The following PXT1 variants were observed in gnomAD, a reference collection of about 807,000 sequenced individuals.
PXT1 encodes the protein peroxisomal testis enriched protein 1.
A neutral mutation model predicts 11.0 loss-of-function variants in PXT1; 11 were observed. That is an observed-to-expected ratio of 1.00 (90% confidence interval 0.63 to 1.66). The LOEUF (loss-of-function observed/expected upper bound fraction) is 1.66, where lower values mean the gene tolerates loss of function less well. PXT1 is among the 40% of genes most tolerant of loss of function. The pLI is 0.00. For synonymous variants in PXT1, 43 were observed against 51.4 expected, an observed-to-expected ratio of 0.84 and a Z score of 0.70; for missense variants, 141 against 155.5, an observed-to-expected ratio of 0.91 and a Z score of 0.49.
At chr6:36,415,485 T>C (rs1774434874) in intron 3 of PXT1, among the ~76,000 whole-genome samples, 1 of 152,038 alleles carries the variant, frequency 6.6e-6, no homozygotes, top group South Asian at 2.1e-4. Context: ...ACAAAAAGAA[T>C]TGCTGGTATA....
chr6:36,390,642 A>C lies in PXT1; in HGVS notation c.*1128T>G, dbSNP rs999479901. On this transcript the variant is annotated 3_prime_UTR_variant, in exon 5 of 5. Coordinates refer to ENST00000454782, the MANE Select transcript of PXT1 (RefSeq NM_152990.4). ...ATGAAGAACTCAAGATACATATGTAAACTTTTAATTTATAACAACAAGCTT... is the reference window on the plus strand; with the variant it reads ...ATGAAGAACTCAAGATACATATGTACACTTTTAATTTATAACAACAAGCTT... The C allele has an allele frequency of 6.6e-6, 1 of 152,216 alleles. No individual in the cohort carries two copies. Among genetic ancestry groups the C allele is most frequent in the Non-Finnish European group, 1.5e-5 (1 of 68,042 alleles). The allele number at this position is 152,216 out of a possible 1,614,324, so 9.4% of individuals were successfully genotyped here.
intron 3 of PXT1, among the ~76,000 whole-genome samples, chr6:36,422,286 T>C (rs1774533506): frequency 1.3e-5 from 2 of 152,150 alleles, no homozygotes; most frequent in Admixed American, 1.3e-4. Context: ...ATGGGTGAGA[T>C]GGGCAGTAAT....
chr6:36,398,390 A>G (rs1774171992), intron 4 of PXT1, among the ~76,000 whole-genome samples: 1 of 152,200 alleles, frequency 6.6e-6, no homozygotes, highest in Non-Finnish European at 1.5e-5. Flanking sequence ...TACCCCAAAA[A>G]AATAAAAACA....
intron 2 of PXT1, among the ~76,000 whole-genome samples, chr6:36,427,015 C>CTTTTTT (rs71768864): frequency 7.1e-6 from 1 of 141,166 alleles, no homozygotes. Context: ...CTTTTTTTTT[C>CTTTTTT]TTTTTTTTTT....
chr6:36,438,545 T>A (rs1482398470), intron 2 of PXT1, among the ~76,000 whole-genome samples: 1 of 152,134 alleles, frequency 6.6e-6, no homozygotes, highest in Non-Finnish European at 1.5e-5. Context: ...CGCCTCAGCC[T>A]CCCGAGTACC....
At chr6:36,420,322 C>T (rs536563) in intron 3 of PXT1, among the ~76,000 whole-genome samples, 3,646 of 152,300 alleles carry the variant, frequency 0.024, 138 homozygotes, top group African/African-American at 0.082. Context: ...GGTATATCCA[C>T]ACAATGGAAT....
rs1047155109 is a variant in PXT1 at position 36,421,120 on chromosome 6, T to C, written c.169+4794A>G. ...ATTGTGGTTATGCAGAAAAATATCC[T>C]TGTTCTTAGGATAAAGCAAATGGGG... On this transcript the variant is annotated intron_variant, in intron 3 of 4. Coordinates refer to ENST00000454782, the MANE Select transcript of PXT1 (RefSeq NM_152990.4). 4.6e-5 allele frequency among the ~76,000 whole-genome samples: 7 copies of C among 151,352 alleles called. No individual in the cohort carries two copies. In the South Asian group the frequency reaches 1.0e-3, roughly 22 times the overall value.
intron 3 of PXT1, among the ~76,000 whole-genome samples, chr6:36,415,311 C>G (rs187793662): frequency 6.6e-6 from 1 of 152,030 alleles, no homozygotes; most frequent in Non-Finnish European, 1.5e-5. Flanking sequence ...GACATGGTGG[C>G]GCGTGCCTGT....
intron 3 of PXT1, among the ~76,000 whole-genome samples, chr6:36,423,338 T>A (rs894267105): frequency 6.6e-6 from 1 of 152,236 alleles, no homozygotes; most frequent in Non-Finnish European, 1.5e-5. Flanking sequence ...TCGCGCACTT[T>A]AGCTGGGCGC....
chr6:36,408,508 G>A (rs1037379304), intron 3 of PXT1, among the ~76,000 whole-genome samples: 15 of 151,030 alleles, frequency 9.9e-5, no homozygotes, highest in African/African-American at 2.7e-4. Flanking sequence ...ATCCTCCCTC[G>A]TTAGCCTCTC....
At chr6:36,409,402 C>T (rs778968195) in intron 3 of PXT1, among the ~76,000 whole-genome samples, 6 of 152,162 alleles carry the variant, frequency 3.9e-5, no homozygotes, top group Non-Finnish European at 5.9e-5. Flanking sequence ...GCCCATCTAC[C>T]CCACCAAGAC....
intron 3 of PXT1, among the ~76,000 whole-genome samples, chr6:36,410,681 C>T (rs1774360551): frequency 6.6e-6 from 1 of 152,164 alleles, no homozygotes; most frequent in African/African-American, 2.4e-5. Flanking sequence ...AGGTCAAACC[C>T]TGTGGTGAAA....
chr6:36,440,595 A>T (rs896935868), intron 1 of PXT1, among the ~76,000 whole-genome samples: 2 of 152,056 alleles, frequency 1.3e-5, no homozygotes, highest in Admixed American at 6.6e-5. Flanking sequence ...AAAAAGAAGA[A>T]GGTTTTGGTT....
intron 4 of PXT1, among the ~76,000 whole-genome samples, chr6:36,397,895 G>T (rs1774164956): frequency 6.6e-6 from 1 of 151,796 alleles, no homozygotes; most frequent in Admixed American, 6.6e-5. Flanking sequence ...ATGTGCCTGT[G>T]GTCTCAGCTA....
At chr6:36,407,933 G>A (rs1774313174) in intron 3 of PXT1, among the ~76,000 whole-genome samples, 1 of 150,182 alleles carries the variant, frequency 6.7e-6, no homozygotes, top group Non-Finnish European at 1.5e-5. Context: ...AAGCCCAGCT[G>A]GTTAATCCTT....
At chr6:36,404,966 G>T (rs565415654) in intron 3 of PXT1, among the ~76,000 whole-genome samples, 233 of 152,120 alleles carry the variant, frequency 1.5e-3, no homozygotes, top group African/African-American at 4.7e-3. Flanking sequence ...CCAAAAAAAA[G>T]AAAAAAGTTA....
intron 3 of PXT1, among the ~76,000 whole-genome samples, chr6:36,418,210 G>GTAAATT (rs1774478685): frequency 6.7e-6 from 1 of 150,300 alleles, no homozygotes; most frequent in African/African-American, 2.5e-5. Context: ...AAAAAAAAAA[G>GTAAATT]TAAATTTGTT....
At chr6:36,436,983 G>T (rs1018681495) in intron 2 of PXT1, among the ~76,000 whole-genome samples, 7 of 152,078 alleles carry the variant, frequency 4.6e-5, no homozygotes, top group Non-Finnish European at 7.4e-5. Flanking sequence ...ACATTAATGT[G>T]AGGTTATATT....
At chr6:36,424,825 G>A (rs1199912037) in intron 3 of PXT1, among the ~76,000 whole-genome samples, 1 of 151,714 alleles carries the variant, frequency 6.6e-6, no homozygotes, top group African/African-American at 2.4e-5. Flanking sequence ...TGAAACCCCC[G>A]GCTCTACTAA....
Sources: allele counts gnomAD v4.1 joint callset (sites outside exome capture counted in the v4.1 genomes callset), GRCh38; gene constraint gnomAD v4.1.1; transcripts MANE v1.5; gene names NCBI Gene and HGNC (gene_info 2026-07-23, HGNC 2026-07-21).